S1PR5: variants seen among roughly 807,000 people sequenced by gnomAD.
S1PR5 encodes sphingosine 1-phosphate receptor 5.
For synonymous variants in S1PR5, 307 were observed against 284.7 expected (o/e 1.08, Z -0.79); for missense variants, 583 against 571.7 (o/e 1.02, Z -0.20).
intron 1 of S1PR5, 149 bp downstream of exon 1, chr19:10,517,249 C>A: frequency 2.1e-6 from 1 of 474,014 alleles, no homozygotes; most frequent in Non-Finnish European, 2.8e-6. Flanking sequence ...CCCCCAGCTT[C>A]CCCCTCCCCA....
At chr19:10,516,629 A>G (rs1199183075) in intron 1 of S1PR5, among the ~76,000 whole-genome samples, 2 of 138,546 alleles carry the variant, frequency 1.4e-5, no homozygotes, top group African/African-American at 2.7e-5. Context: ...AAAAAAAAAA[A>G]GTTGATCCTA....
Position 10,514,261 on chromosome 19 carries a change from G to A in S1PR5, c.751C>T (p.Arg251Cys), listed in dbSNP as rs1915366738. Residue 251 changes from arginine to cysteine, a missense_variant, in exon 2 of 2, where the codon CGC (arginine) becomes TGC (cysteine). Arg to Cys is a radical substitution (Grantham distance 180, BLOSUM62 -3). Transcript: ENST00000333430. Reference protein sequence around the residue: ...RRKPRSLALLRTLSVVLLAFV... With the variant: ...RRKPRSLALLCTLSVVLLAFV... Reference sequence around the variant, plus strand: ...GCCAGGAGCACCACGCTGAGCGTGCGCAGCAAGGCCAGCGAGCGCGGCTTG... The same window carrying A: ...GCCAGGAGCACCACGCTGAGCGTGCACAGCAAGGCCAGCGAGCGCGGCTTG... 2 of 1,590,562 alleles carry A rather than the reference G, an allele frequency of 1.3e-6. No homozygotes were observed. Among genetic ancestry groups the A allele is most frequent in the East Asian group, 2.3e-5 (1 of 43,868 alleles).
At position 10,514,916 on chromosome 19, in the gene S1PR5, C is replaced by A. The variant is rs533204482; in HGVS notation, c.96G>T (p.Pro32=). ...CGGCGTCGGCGCGCAGGCCGGCACC[C>A]GGCTGGTAGCGCGCACCGCGGAGCT... ...TGKLRGARYQ[P]GAGLRADAVV... The change falls in exon 2 of 2, where the codon CCG becomes CCT. Residue 32 remains proline, a synonymous_variant. Transcript: ENST00000333430. 1.2e-6 allele frequency: 2 copies of A among 1,610,020 alleles called. No individual in the cohort carries two copies. The highest frequency in any genetic ancestry group is 1.7e-5 in the Admixed American group (1 of 59,884).
intron 1 of S1PR5, 31 bp from the exon 2 acceptor site, chr19:10,515,060 C>T (rs1891765532): frequency 6.6e-7 from 1 of 1,510,076 alleles, no homozygotes; most frequent in Non-Finnish European, 8.8e-7. Flanking sequence ...GGTGTCAGGC[C>T]GCGGTCCCCG....
chr19:10,514,700 G>A lies in S1PR5; in HGVS notation c.312C>T (p.Ser104=), dbSNP rs779513206. 4 of 1,610,350 alleles carry A rather than the reference G, an allele frequency of 2.5e-6. No individual in the cohort carries two copies. The highest frequency in any genetic ancestry group is 2.2e-5 in the East Asian group (1 of 44,774). Residue 104 remains serine (S), a synonymous_variant, in exon 2 of 2, where the codon TCC becomes TCT. Coordinates refer to ENST00000333430, the MANE Select transcript of S1PR5 (RefSeq NM_030760.5). Reference sequence around the variant, plus strand: ...CCTCCCGTGCGAACCAGAGCGCGGGGGACAGTTTCAGCGTGAGCGGCCCCG... The same window carrying A: ...CCTCCCGTGCGAACCAGAGCGCGGGAGACAGTTTCAGCGTGAGCGGCCCCG... ...LLSGPLTLKL[S]PALWFAREGG...
At chr19:10,517,816 C>G, upstream of S1PR5, 1 of 487,330 alleles carries the variant, frequency 2.1e-6, no homozygotes, top group African/African-American at 2.1e-5. Flanking sequence ...CTCCCATTGC[C>G]CACCCACCTG....
In S1PR5 at chr19:10,514,466, G is replaced by A; in HGVS notation, c.546C>T (p.Cys182=). ...GWNCLGRLDA[C]STVLPLYAKA... ...TGGCGTAGAGCGGCAAGACAGTGGA[G>A]CAAGCGTCCAGGCGACCCAGGCAAT... Residue 182 remains cysteine, a synonymous_variant, in exon 2 of 2, where the codon TGC becomes TGT. Transcript: ENST00000333430. The A allele has an allele frequency of 6.2e-7, 1 of 1,608,596 alleles. No homozygotes were observed. Among genetic ancestry groups the A allele is most frequent in the African/African-American group, 1.3e-5 (1 of 74,974 alleles).
At position 10,513,918 on chromosome 19, in the gene S1PR5, C is replaced by A; in HGVS notation, c.1094G>T (p.Arg365Leu). Residue 365 changes from arginine (R) to leucine (L), a missense_variant, in exon 2 of 2, where the codon CGC becomes CTC. Transcript: ENST00000333430. ...CAGCCCGTCGCGCTGGGGCGATGAG[C>A]GCTCCGAGCCGCTGAAGCTCCCATC... ...GLDGSFSGSERSSPQRDGLDT... is the reference protein window; with the variant it reads ...GLDGSFSGSELSSPQRDGLDT... 2.5e-6 allele frequency: 4 copies of A among 1,604,560 alleles called. No homozygotes were observed. Among genetic ancestry groups the A allele is most frequent in the East Asian group, 4.5e-5 (2 of 44,640 alleles).
rs1915391128 is a variant in S1PR5 at position 10,514,865 on chromosome 19, G to T, written c.147C>A (p.Phe49Leu). ...ACACGGCTAGATTCTCTAGCACGATGAAGGCGCACACCGCCAGGCACACCA... is the reference window on the plus strand; with the variant it reads ...ACACGGCTAGATTCTCTAGCACGATTAAGGCGCACACCGCCAGGCACACCA... ...DAVVCLAVCAFIVLENLAVLL... is the reference protein window; with the variant it reads ...DAVVCLAVCALIVLENLAVLL... Residue 49 changes from phenylalanine (F) to leucine (L), a missense_variant, in exon 2 of 2, where the codon TTC becomes TTA. By Grantham distance (22) the Phe-to-Leu change is conservative. Transcript: ENST00000333430. 3 of 1,612,826 alleles carry T rather than the reference G, an allele frequency of 1.9e-6. No individual in the cohort carries two copies. The East Asian group carries it at 6.7e-5, about 36-fold the overall frequency.
At position 10,513,510 on chromosome 19, in the gene S1PR5, C is replaced by A; in HGVS notation, c.*305G>T. The A allele has an allele frequency of 1.8e-6, 1 of 553,746 alleles. No individual in the cohort carries two copies. Among genetic ancestry groups the A allele is most frequent in the Non-Finnish European group, 3.1e-6 (1 of 317,868 alleles). The allele number at this position is 553,746 out of a possible 1,614,324, so 34.3% of individuals were successfully genotyped here. ...TCTTCCCAGGACAGAGGTCTCAGCT[C>A]ACATCACAAGTCACTACCTCTGCAG... is the stretch of plus-strand genomic sequence containing the variant. On this transcript the variant is annotated 3_prime_UTR_variant, in exon 2 of 2. Coordinates refer to ENST00000333430, the MANE Select transcript of S1PR5 (RefSeq NM_030760.5).
upstream of S1PR5, chr19:10,517,729 A>C (rs1915472043): frequency 1.0e-6 from 1 of 983,960 alleles, no homozygotes; most frequent in African/African-American, 1.7e-5. Context: ...AGGGTTCTGC[A>C]GCAGGGCGGT....
intron 1 of S1PR5, chr19:10,517,160 TG>T: frequency 6.2e-6 from 1 of 160,260 alleles, no homozygotes. Flanking sequence ...AAACTTGCAG[TG>T]GCCCGGCCAG....
chr19:10,516,163 G>A (rs1436954922), intron 1 of S1PR5, among the ~76,000 whole-genome samples: 1 of 151,948 alleles, frequency 6.6e-6, no homozygotes, highest in African/African-American at 2.4e-5. Flanking sequence ...ACGAATACAG[G>A]GTCTCCCACC....
intron 1 of S1PR5, among the ~76,000 whole-genome samples, chr19:10,516,734 T>A (rs921625949): frequency 3.9e-5 from 6 of 151,932 alleles, no homozygotes; most frequent in Non-Finnish European, 8.8e-5. Context: ...GTCATTAAAC[T>A]GTAATAACAC....
Position 10,513,857 on chromosome 19 carries a change from G to C in S1PR5, c.1155C>G (p.Pro385=). ...TSGSTGSPGA[P]TAARTLVSEP... ...CTGATACCAGAGTCCGGGCGGCTGT[G>C]GGTGCACCGGGGCTGCCTGTGGAGC... The change falls in exon 2 of 2, where the codon CCC becomes CCG. Residue 385 remains proline, a synonymous_variant. Transcript: ENST00000333430. 6.2e-7 allele frequency: 1 copy of C among 1,612,166 alleles called. No homozygotes were observed. Among genetic ancestry groups the C allele is most frequent in the Non-Finnish European group, 8.5e-7 (1 of 1,179,776 alleles).
rs1735103819 is a variant in S1PR5, at chr19:10,514,548, G to C, written c.464C>G (p.Ala155Gly). Residue 155 changes from alanine (A) to glycine (G), a missense_variant, in exon 2 of 2, where the codon GCA (alanine) becomes GGA (glycine). Coordinates refer to ENST00000333430, the MANE Select transcript of S1PR5 (RefSeq NM_030760.5). The stretch of plus-strand genomic sequence containing the variant: ...CAGCGACACGCCCCAGGCCGCGGCT[G>C]CCATCGCCAGCGTGCGCCCCCGACT... The part of the protein sequence containing the change: ...VSSRGRTLAM[A>G]AAAWGVSLLL... 1 of 1,579,744 alleles carries C rather than the reference G, an allele frequency of 6.3e-7. No individual in the cohort carries two copies. Among genetic ancestry groups the C allele is most frequent in the African/African-American group, 1.3e-5 (1 of 74,170 alleles).
chr19:10,516,039 G>A (rs554812189), intron 1 of S1PR5, among the ~76,000 whole-genome samples: 28 of 151,944 alleles, frequency 1.8e-4, no homozygotes, highest in African/African-American at 5.8e-4. Context: ...CAAATACAGC[G>A]ACACACTACA....
In S1PR5 at chr19:10,514,990, G is replaced by T. The variant is rs375435151; in HGVS notation, c.22C>A (p.Pro8Thr). 7.0e-6 allele frequency: 11 copies of T among 1,572,358 alleles called. No individual in the cohort carries two copies. Among genetic ancestry groups the T allele is most frequent in the African/African-American group, 6.7e-5 (5 of 74,412 alleles). The change falls in exon 2 of 2, where the codon CCG becomes ACG. Residue 8 changes from proline (P) to threonine (T), a missense_variant. Coordinates refer to ENST00000333430, the MANE Select transcript of S1PR5 (RefSeq NM_030760.5). Reference sequence around the variant, plus strand: ...ACGATGACCTCGCTCACCGGCGCCGGCCGCAGCAGCCCCGACTCCATGGGC... The same window carrying T: ...ACGATGACCTCGCTCACCGGCGCCGTCCGCAGCAGCCCCGACTCCATGGGC... MESGLLR[P>T]APVSEVIVLH...
chr19:10,513,780 G>A lies in S1PR5; in HGVS notation c.*35C>T, dbSNP rs1915343074. On this transcript the variant is annotated 3_prime_UTR_variant, in exon 2 of 2. Transcript: ENST00000333430. ...TCCTTTATGTAAAAAGAACAAGTCT[G>A]TAAAACTTGGGAAGACAGTCGTGGG... 3 of 1,599,420 alleles carry A rather than the reference G, an allele frequency of 1.9e-6. No homozygotes were observed. The highest frequency in any genetic ancestry group is 4.5e-5 in the East Asian group (2 of 44,542).
Sources: allele counts gnomAD v4.1 joint callset (sites outside exome capture counted in the v4.1 genomes callset), GRCh38; gene constraint gnomAD v4.1.1; transcripts MANE v1.5; gene names NCBI Gene and HGNC (gene_info 2026-07-23, HGNC 2026-07-21).